The following ZFHX3 variants were observed in gnomAD, a reference collection of about 807,000 sequenced individuals.
The protein encoded by ZFHX3 is zinc finger homeobox 3, also known as zinc finger homeobox protein 3.
In ZFHX3, 42 loss-of-function variants were observed where a neutral mutation model predicts 279.1. The observed-to-expected ratio is 0.15, with a 90% CI of 0.12 to 0.19. The LOEUF (loss-of-function observed/expected upper bound fraction) is 0.19, where lower values mean the gene tolerates loss of function less well. ZFHX3 is among the 10% of genes least tolerant of loss of function. The probability of loss-of-function intolerance (pLI) is 1.00; values close to 1 mark genes in which losing one functional copy is unlikely to be tolerated. For synonymous variants in ZFHX3, 2,293 were observed against 1,957.8 expected (o/e 1.17, Z -4.52); for missense variants, 4,981 against 4,754.0 (o/e 1.05, Z -1.40).
chr16:73,120,101 ATGTTTGTTTTTTT>A (rs1390073862), intron 7 of ZFHX3, among the ~76,000 whole-genome samples: 1 of 151,790 alleles, frequency 6.6e-6, no homozygotes, highest in African/African-American at 2.4e-5. Context: ...TACACAGTTG[ATGTTTGTTTTTTT>A]TGTTTGTTTT....
At chr16:73,216,958 T>C (rs1309348886) in intron 5 of ZFHX3, among the ~76,000 whole-genome samples, 5 of 152,172 alleles carry the variant, frequency 3.3e-5, no homozygotes, top group African/African-American at 1.2e-4. Flanking sequence ...TCCGAAAGCA[T>C]GGCCGTGGTC....
Position 72,959,066 on chromosome 16 carries a change from G to A in ZFHX3, c.1080C>T (p.Pro360=), listed in dbSNP as rs148841061. 3.0e-5 allele frequency: 48 copies of A among 1,614,062 alleles called. No homozygotes were observed. Among genetic ancestry groups the A allele is most frequent in the Middle Eastern group, 1.6e-4 (1 of 6,084 alleles). Residue 360 remains proline (P), a synonymous_variant, in exon 2 of 10, where the codon CCC becomes CCT. Transcript: ENST00000268489. ...TAAATTTACCATAAAAACTGTGTCC[G>A]GGGCCTATGAGGTTAGCTGTGGAAA... ...PLVSTANLIG[P]GHSFYGKFSG...
chr16:73,121,033 T>C (rs1250022311), intron 7 of ZFHX3, among the ~76,000 whole-genome samples: 1 of 152,218 alleles, frequency 6.6e-6, no homozygotes, highest in Non-Finnish European at 1.5e-5. Flanking sequence ...CTGCTAGCCA[T>C]GCGTGGCTAT....
intron 3 of ZFHX3, among the ~76,000 whole-genome samples, chr16:73,328,878 A>G (rs971639578): frequency 2.0e-5 from 3 of 152,260 alleles, no homozygotes; most frequent in Non-Finnish European, 2.9e-5. Context: ...TGATCTGTGC[A>G]AAACCCATCC....
chr16:73,618,296 C>T (rs2052325313), intron 2 of ZFHX3, among the ~76,000 whole-genome samples: 1 of 152,190 alleles, frequency 6.6e-6, no homozygotes, highest in Non-Finnish European at 1.5e-5. Context: ...TAAACTGTAA[C>T]ACATCCTGTG....
At chr16:73,637,290 G>A (rs370830198) in intron 2 of ZFHX3, among the ~76,000 whole-genome samples, 6 of 147,120 alleles carry the variant, frequency 4.1e-5, no homozygotes, top group Non-Finnish European at 5.9e-5. Context: ...GCAGTACAAC[G>A]GGGTGATCTT....
At chr16:73,042,587 C>G (rs1965158289) in intron 1 of ZFHX3, among the ~76,000 whole-genome samples, 1 of 151,784 alleles carries the variant, frequency 6.6e-6, no homozygotes, top group East Asian at 1.9e-4. Context: ...AGTACTCAGC[C>G]CTACTCAATA....
intron 4 of ZFHX3, among the ~76,000 whole-genome samples, chr16:72,856,158 G>A (rs547194809): frequency 1.4e-4 from 21 of 152,208 alleles, no homozygotes; most frequent in Non-Finnish European, 2.5e-4. Context: ...TGCTATGAAG[G>A]GGGGAAAGAA....
At chr16:73,632,684 CAA>C (rs61449751) in intron 2 of ZFHX3, among the ~76,000 whole-genome samples, 16 of 107,276 alleles carry the variant, frequency 1.5e-4, no homozygotes, top group Admixed American at 2.0e-4. Flanking sequence ...GACTCTGTCT[CAA>C]AAAAAAAAAA....
At chr16:73,580,471 C>T (rs750922276) in intron 2 of ZFHX3, among the ~76,000 whole-genome samples, 6 of 147,918 alleles carry the variant, frequency 4.1e-5, no homozygotes, top group Non-Finnish European at 8.9e-5. Context: ...AGCGAGACTC[C>T]GTCTCAAAAA....
At chr16:73,000,062 G>C (rs1192607738) in intron 1 of ZFHX3, among the ~76,000 whole-genome samples, 1 of 152,198 alleles carries the variant, frequency 6.6e-6, no homozygotes, top group East Asian at 1.9e-4. Flanking sequence ...GAGCCCCATG[G>C]GGACAGGGCT....
At chr16:73,440,460 T>C (rs2018071866) in intron 3 of ZFHX3, among the ~76,000 whole-genome samples, 1 of 152,174 alleles carries the variant, frequency 6.6e-6, no homozygotes, top group Admixed American at 6.5e-5. Flanking sequence ...AATAGACCCA[T>C]TTGGCACCAA....
intron 1 of ZFHX3, among the ~76,000 whole-genome samples, chr16:73,022,131 G>T (rs1483084485): frequency 6.6e-6 from 1 of 152,194 alleles, no homozygotes; most frequent in African/African-American, 2.4e-5. Flanking sequence ...CAGTGAGGGA[G>T]ATGAGGTAGT....
intron 1 of ZFHX3, among the ~76,000 whole-genome samples, chr16:73,709,835 G>A (rs1040366852): frequency 3.9e-5 from 6 of 152,092 alleles, no homozygotes; most frequent in Admixed American, 3.3e-4. Flanking sequence ...TAGGTCAATG[G>A]AGCCACTCGA....
At chr16:73,281,968 TCA>T (rs1216531864) in intron 4 of ZFHX3, among the ~76,000 whole-genome samples, 1 of 152,072 alleles carries the variant, frequency 6.6e-6, no homozygotes, top group Non-Finnish European at 1.5e-5. Context: ...TCATTAAGAC[TCA>T]CAGCACAAAG....
rs148146751 is a variant in ZFHX3, at chr16:73,843,928, T to C, written c.-1608+47723A>G. On this transcript the variant is annotated intron_variant, in intron 1 of 17. Transcript: ENST00000641206. ...AAATCTGGATTTTGTGTAGTCTTCA[T>C]GTGTAACAAAATATTCTTTCAATTC... Among the ~76,000 whole-genome samples the C allele has an allele frequency of 2.4e-3, 373 of 152,356 alleles. 3 individuals are homozygous for C. The highest frequency in any genetic ancestry group is 8.4e-3 in the African/African-American group (351 of 41,594).
At chr16:73,008,487 A>T (rs1041598829) in intron 1 of ZFHX3, among the ~76,000 whole-genome samples, 2 of 152,198 alleles carry the variant, frequency 1.3e-5, no homozygotes, top group African/African-American at 4.8e-5. Context: ...GTGAAAAATG[A>T]CTCATATAAT....
intron 3 of ZFHX3, among the ~76,000 whole-genome samples, chr16:72,906,442 A>G (rs941045682): frequency 2.0e-5 from 3 of 151,928 alleles, no homozygotes; most frequent in African/African-American, 4.8e-5. Context: ...TAGTTTACAA[A>G]ACCTTCTGGA....
intron 1 of ZFHX3, among the ~76,000 whole-genome samples, chr16:72,979,123 C>T (rs961804029): frequency 6.6e-6 from 1 of 152,200 alleles, no homozygotes; most frequent in Non-Finnish European, 1.5e-5. Context: ...GCGTGGAGCA[C>T]ATGTGATGGG....
Sources: allele counts gnomAD v4.1 joint callset (sites outside exome capture counted in the v4.1 genomes callset), GRCh38; gene constraint gnomAD v4.1.1; transcripts MANE v1.5; gene names NCBI Gene and HGNC (gene_info 2026-07-23, HGNC 2026-07-21).